ABTB2: variants seen among roughly 807,000 people sequenced by gnomAD.
The protein encoded by ABTB2 is ankyrin repeat and BTB domain containing 2.
In ABTB2, 56 loss-of-function variants were observed where a neutral mutation model predicts 104.1. The ratio of observed to expected loss-of-function variants is 0.54; its 90% CI spans 0.43 to 0.67. The LOEUF (loss-of-function observed/expected upper bound fraction) is 0.67, where lower values mean the gene tolerates loss of function less well. ABTB2 is among the 30% of genes least tolerant of loss of function. ABTB2 has a pLI of 0.00. For synonymous variants in ABTB2, 606 were observed against 608.2 expected (o/e 1.00, Z 0.05); for missense variants, 1,279 against 1,407.7 (o/e 0.91, Z 1.46).
chr11:34,333,800 CAG>C (rs769218611), intron 1 of ABTB2, among the ~76,000 whole-genome samples: 1 of 151,972 alleles, frequency 6.6e-6, no homozygotes, highest in Non-Finnish European at 1.5e-5. Context: ...GTAATGCCTC[CAG>C]CTCAAATCAC....
At chr11:34,309,492 CTGGGAG>C (rs1854823961) in intron 1 of ABTB2, among the ~76,000 whole-genome samples, 2 of 152,120 alleles carry the variant, frequency 1.3e-5, no homozygotes, top group Admixed American at 6.5e-5. Flanking sequence ...AGAGGCAGTG[CTGGGAG>C]CAGAGGAGAA....
chr11:34,321,749 G>A (rs1855006678), intron 1 of ABTB2, among the ~76,000 whole-genome samples: 1 of 152,156 alleles, frequency 6.6e-6, no homozygotes, highest in Non-Finnish European at 1.5e-5. Context: ...TAGACATGAT[G>A]TTCGCATATA....
chr11:34,156,076 A>G (rs537772337), intron 14 of ABTB2, among the ~76,000 whole-genome samples: 9 of 152,342 alleles, frequency 5.9e-5, no homozygotes, highest in Admixed American at 4.6e-4. Flanking sequence ...CCCTAGGGCC[A>G]GGCCTACCAG....
chr11:34,192,246 T>C (rs1758989106), intron 3 of ABTB2, among the ~76,000 whole-genome samples: 1 of 152,144 alleles, frequency 6.6e-6, no homozygotes, highest in South Asian at 2.1e-4. Flanking sequence ...TGAGCTGAGA[T>C]TGTGCCACTG....
chr11:34,319,896 G>A (rs1360805534), intron 1 of ABTB2, among the ~76,000 whole-genome samples: 7 of 152,098 alleles, frequency 4.6e-5, no homozygotes, highest in Non-Finnish European at 7.3e-5. Flanking sequence ...TCGAACTCCT[G>A]ACCTTAGGTG....
chr11:34,209,717 G>C (rs1418488733), intron 1 of ABTB2, among the ~76,000 whole-genome samples: 1 of 18,068 alleles, frequency 5.5e-5, no homozygotes, highest in African/African-American at 2.8e-4. Context: ...GTGGAGGTGA[G>C]AGGTTGGGGG....
intron 16 of ABTB2, 80 bp from the exon 17 acceptor site, chr11:34,152,664 C>T (rs1272306754): frequency 7.3e-7 from 1 of 1,378,420 alleles, no homozygotes; most frequent in African/African-American, 1.4e-5. Context: ...TACTACCTAC[C>T]CATGGCCACA....
At chr11:34,177,181 G>A (rs1317195851) in intron 3 of ABTB2, among the ~76,000 whole-genome samples, 1 of 152,218 alleles carries the variant, frequency 6.6e-6, no homozygotes, top group Non-Finnish European at 1.5e-5. Flanking sequence ...GCATCTCCTA[G>A]CTGCACTAGG....
intron 2 of ABTB2, among the ~76,000 whole-genome samples, chr11:34,201,270 C>A (rs1038362252): frequency 6.6e-6 from 1 of 152,056 alleles, no homozygotes; most frequent in Non-Finnish European, 1.5e-5. Flanking sequence ...AGTCCTCCCC[C>A]CTTGTTAACC....
chr11:34,220,607 G>A (rs968510213), intron 1 of ABTB2, among the ~76,000 whole-genome samples: 1 of 152,176 alleles, frequency 6.6e-6, no homozygotes, highest in Non-Finnish European at 1.5e-5. Context: ...CAGAGCCAAC[G>A]TGCTGAGGAT....
intron 1 of ABTB2, among the ~76,000 whole-genome samples, chr11:34,220,870 C>A (rs1438108174): frequency 1.3e-5 from 2 of 152,150 alleles, no homozygotes; most frequent in Non-Finnish European, 2.9e-5. Context: ...AAGGTGTTGG[C>A]AGGGGTTGGT....
intron 1 of ABTB2, among the ~76,000 whole-genome samples, chr11:34,255,450 A>G (rs1854109596): frequency 6.6e-6 from 1 of 152,164 alleles, no homozygotes; most frequent in East Asian, 1.9e-4. Context: ...CATGGTTCTA[A>G]GTTATATTTC....
intron 1 of ABTB2, among the ~76,000 whole-genome samples, chr11:34,235,093 C>T (rs1379288126): frequency 6.6e-6 from 1 of 152,106 alleles, no homozygotes; most frequent in Admixed American, 6.5e-5. Flanking sequence ...GATCTCCTGA[C>T]CTTGTGATCC....
In ABTB2 at chr11:34,357,236, C is replaced by T. The variant is rs1855478816; in HGVS notation, c.348G>A (p.Arg116=). The change falls in exon 1 of 17, where the codon CGG becomes CGA. Residue 116 remains arginine, a synonymous_variant. Coordinates refer to ENST00000435224, the MANE Select transcript of ABTB2 (RefSeq NM_145804.3). The stretch of plus-strand genomic sequence containing the variant: ...CCGCCTCGGCGGAGAACTGGGGCAG[C>T]CGCCGGCCGCCAGCGCCTTTGCGGA... The part of the protein sequence containing the change: ...RVLRKGAGGR[R]LPQFSAEAVR... 1.3e-6 allele frequency: 2 copies of T among 1,501,686 alleles called. No homozygotes were observed. Among genetic ancestry groups the T allele is most frequent in the African/African-American group, 1.4e-5 (1 of 70,624 alleles). 93.0% of individuals were successfully genotyped at this position (1,501,686 alleles called of 1,614,324 possible). A position where few individuals can be genotyped will look rare whatever the true frequency, so the allele number is the denominator to read the frequency against.
At position 34,357,956 on chromosome 11, in the gene ABTB2, G is replaced by A. The variant is rs6484711; in HGVS notation, c.-373C>T. 24,959 of 215,714 alleles carry A rather than the reference G, an allele frequency of 0.12. 2,416 individuals are homozygous for A. Among genetic ancestry groups the A allele is most frequent in the East Asian group, 0.35 (3,511 of 9,900 alleles). 13.4% of individuals were successfully genotyped at this position (215,714 alleles called of 1,614,324 possible). On this transcript the variant is annotated 5_prime_UTR_variant, in exon 1 of 17. Transcript: ENST00000435224. Reference sequence around the variant, plus strand: ...GGAGGAGGCGGCGGCGCAGGGCGCAGGGCGCAGCGCGAGTCCGGGACCAGC... The same window carrying A: ...GGAGGAGGCGGCGGCGCAGGGCGCAAGGCGCAGCGCGAGTCCGGGACCAGC...
At chr11:34,239,861 G>A (rs1853891370) in intron 1 of ABTB2, among the ~76,000 whole-genome samples, 2 of 152,154 alleles carry the variant, frequency 1.3e-5, no homozygotes, top group South Asian at 4.1e-4. Context: ...ACTCCTGGCA[G>A]GAAGACATTC....
In ABTB2 at chr11:34,167,352, G is replaced by A. The variant is rs753858071; in HGVS notation, c.1662C>T (p.Ser554=). 1 of 1,612,884 alleles carries A rather than the reference G, an allele frequency of 6.2e-7. No homozygotes were observed. Among genetic ancestry groups the A allele is most frequent in the Non-Finnish European group, 8.5e-7 (1 of 1,179,412 alleles). Residue 554 remains serine (S), a synonymous_variant, in exon 7 of 17, where the codon AGC becomes AGT. Transcript: ENST00000435224. ...GGATGGAAGGGTGCCTGGGGGAGTT[G>A]CTTGGAACCTGGAAAATACCACAAA... The part of the protein sequence containing the change: ...AGANLDIQVP[S]NSPRHPSIHP...
chr11:34,178,330 A>T (rs1852982277), intron 3 of ABTB2, among the ~76,000 whole-genome samples: 1 of 152,196 alleles, frequency 6.6e-6, no homozygotes, highest in African/African-American at 2.4e-5. Context: ...CTTTCTCAGG[A>T]ACATGCCTTC....
chr11:34,257,841 C>T (rs1039189646), intron 1 of ABTB2, among the ~76,000 whole-genome samples: 1 of 152,128 alleles, frequency 6.6e-6, no homozygotes, highest in African/African-American at 2.4e-5. Flanking sequence ...TCAAGCAATC[C>T]ACCTACCTCA....
Sources: allele counts gnomAD v4.1 joint callset (sites outside exome capture counted in the v4.1 genomes callset), GRCh38; gene constraint gnomAD v4.1.1; transcripts MANE v1.5; gene names NCBI Gene and HGNC (gene_info 2026-07-23, HGNC 2026-07-21).